VSTM2L: variants seen among roughly 807,000 people sequenced by gnomAD.
The protein encoded by VSTM2L is V-set and transmembrane domain-containing protein 2-like protein.
Under a neutral mutation model 19.9 loss-of-function variants are expected in VSTM2L, and 9 were observed. That is an observed-to-expected ratio of 0.45 (90% CI 0.27 to 0.79). The LOEUF is 0.79. VSTM2L is among the 30% of genes least tolerant of loss of function. The pLI, the probability that VSTM2L is intolerant of heterozygous loss-of-function variation, is 0.15. For missense variants in VSTM2L, 286 were observed against 295.5 expected (o/e 0.97, Z 0.24); for synonymous variants, 127 against 133.8 (o/e 0.95, Z 0.35).
At chr20:37,917,772 T>G (rs765531147) in intron 1 of VSTM2L, among the ~76,000 whole-genome samples, 13 of 152,214 alleles carry the variant, frequency 8.5e-5, no homozygotes, top group South Asian at 6.2e-4. Context: ...CTGCGGAGCC[T>G]GGGGTTGCGG....
chr20:37,943,450 G>C (rs2072985680), intron 3 of VSTM2L, among the ~76,000 whole-genome samples: 1 of 135,800 alleles, frequency 7.4e-6, no homozygotes, highest in Admixed American at 7.5e-5. Flanking sequence ...TTTTTTTTTA[G>C]GAAATGTAAA....
intron 1 of VSTM2L, among the ~76,000 whole-genome samples, chr20:37,925,727 C>G (rs2072875808): frequency 6.6e-6 from 1 of 152,218 alleles, no homozygotes. Flanking sequence ...CTGGCCAGCT[C>G]TGGGGATCAG....
intron 3 of VSTM2L, among the ~76,000 whole-genome samples, chr20:37,936,995 C>T (rs990279558): frequency 2.0e-5 from 3 of 151,658 alleles, no homozygotes; most frequent in Non-Finnish European, 2.9e-5. Context: ...CCAAGGTGGG[C>T]GGATCATCCG....
In VSTM2L at chr20:37,931,723, C is replaced by T. The variant is rs767692338; in HGVS notation, c.210C>T (p.Pro70=). ...MACSFRGSGS[P]SYSLEIQWWY... ...GCTCCTTCCGCGGCAGCGGCTCCCC[C>T]TCCTACTCGCTGGAGATCCAGTGGT... is the stretch of plus-strand genomic sequence containing the variant. Residue 70 remains proline, a synonymous_variant, in exon 2 of 4, where the codon CCC becomes CCT. Transcript: ENST00000373461. 3.1e-6 allele frequency: 5 copies of T among 1,613,736 alleles called. No individual in the cohort carries two copies. In the East Asian group the frequency reaches 1.1e-4, roughly 36 times the overall value.
intron 1 of VSTM2L, among the ~76,000 whole-genome samples, chr20:37,909,707 GGCCTTGGGGT>G (rs1410164741): frequency 6.6e-6 from 1 of 152,208 alleles, no homozygotes; most frequent in Non-Finnish European, 1.5e-5. Context: ...CCCAGGCTCT[GGCCTTGGGGT>G]GCATATGTGA....
At chr20:37,921,659 T>A (rs2072851611) in intron 1 of VSTM2L, among the ~76,000 whole-genome samples, 2 of 151,166 alleles carry the variant, frequency 1.3e-5, no homozygotes, top group South Asian at 4.2e-4. Context: ...TGATGAGTGG[T>A]AAGGAGAAAT....
At chr20:37,920,337 C>T (rs1413194827) in intron 1 of VSTM2L, among the ~76,000 whole-genome samples, 1 of 152,242 alleles carries the variant, frequency 6.6e-6, no homozygotes, top group Non-Finnish European at 1.5e-5. Flanking sequence ...GGCACATCAC[C>T]TTCCTGTTGC....
chr20:37,911,235 CAAAAAAAAA>C (rs11352183), intron 1 of VSTM2L, among the ~76,000 whole-genome samples: 1 of 45,774 alleles, frequency 2.2e-5, no homozygotes, highest in African/African-American at 1.1e-4. Context: ...GACTCCATCT[CAAAAAAAAA>C]AAAAAAAAAA....
In VSTM2L at chr20:37,945,274, C is replaced by T; in HGVS notation, c.*1021C>T. On this transcript the variant is annotated 3_prime_UTR_variant, in exon 4 of 4. Coordinates refer to ENST00000373461, the MANE Select transcript of VSTM2L (RefSeq NM_080607.3). ...GAGGTGGGAGAGGCCGAGGGCTTTG[C>T]CTAGGGGTGGGTTGCCCTGTATACA... 2.0e-6 allele frequency: 2 copies of T among 985,444 alleles called. No homozygotes were observed. Among genetic ancestry groups the T allele is most frequent in the Non-Finnish European group, 2.4e-6 (2 of 829,954 alleles). The allele number at this position is 985,444 out of a possible 1,614,324, so 61.0% of individuals were successfully genotyped here. A position where few individuals can be genotyped will look rare whatever the true frequency, so the allele number is the denominator to read the frequency against.
chr20:37,938,888 T>A (rs767877550), intron 3 of VSTM2L, among the ~76,000 whole-genome samples: 7 of 152,124 alleles, frequency 4.6e-5, no homozygotes, highest in Non-Finnish European at 8.8e-5. Flanking sequence ...GGGAGAGGCC[T>A]CTGATGAGGT....
intron 1 of VSTM2L, among the ~76,000 whole-genome samples, chr20:37,912,876 G>C (rs886458465): frequency 6.6e-6 from 1 of 151,876 alleles, no homozygotes; most frequent in African/African-American, 2.4e-5. Flanking sequence ...CTCTCTCTGG[G>C]TCTCTCTGAT....
intron 1 of VSTM2L, among the ~76,000 whole-genome samples, chr20:37,918,626 C>T (rs369026135): frequency 1.4e-4 from 21 of 152,180 alleles, no homozygotes; most frequent in Admixed American, 4.6e-4. Flanking sequence ...GGGAAAGATG[C>T]TTTGAAAATA....
chr20:37,920,579 G>A (rs2072844584), intron 1 of VSTM2L, among the ~76,000 whole-genome samples: 1 of 152,266 alleles, frequency 6.6e-6, no homozygotes, highest in Admixed American at 6.5e-5. Flanking sequence ...AGCTGGGCCA[G>A]GTGGGCCAGG....
At chr20:37,928,378 A>G (rs1428851462) in intron 1 of VSTM2L, among the ~76,000 whole-genome samples, 1 of 152,176 alleles carries the variant, frequency 6.6e-6, no homozygotes, top group East Asian at 1.9e-4. Flanking sequence ...AGACCTGCCC[A>G]GGACTCTCAG....
chr20:37,942,949 A>ATTATT (rs1809908889), intron 3 of VSTM2L, among the ~76,000 whole-genome samples: 2 of 152,068 alleles, frequency 1.3e-5, no homozygotes, highest in African/African-American at 4.8e-5. Flanking sequence ...TTTGTTTTTT[A>ATTATT]TTATGTTATT....
chr20:37,903,154 C>T lies in VSTM2L; in HGVS notation c.-197C>T. 3.0e-6 allele frequency: 2 copies of T among 661,888 alleles called. No homozygotes were observed. The allele number at this position is 661,888 out of a possible 1,614,324, so 41.0% of individuals were successfully genotyped here. A position where few individuals can be genotyped will look rare whatever the true frequency, so the allele number is the denominator to read the frequency against. On this transcript the variant is annotated 5_prime_UTR_variant, in exon 1 of 4. Transcript: ENST00000373461. ...AGTCGGAGGCGGCCGGCTGGGCGTGCGCTCGCTCCCCGAAGCCGGGGCTGG... is the reference window on the plus strand; with the variant it reads ...AGTCGGAGGCGGCCGGCTGGGCGTGTGCTCGCTCCCCGAAGCCGGGGCTGG...
intron 1 of VSTM2L, among the ~76,000 whole-genome samples, chr20:37,930,219 G>A (rs2072900754): frequency 6.6e-6 from 1 of 152,242 alleles, no homozygotes; most frequent in African/African-American, 2.4e-5. Flanking sequence ...AACGGCAGAA[G>A]TTTCCAGATG....
At chr20:37,939,230 C>A (rs2072957761) in intron 3 of VSTM2L, among the ~76,000 whole-genome samples, 1 of 151,828 alleles carries the variant, frequency 6.6e-6, no homozygotes, top group African/African-American at 2.4e-5. Flanking sequence ...CATAGTAAGA[C>A]CCCATCTCCA....
chr20:37,910,481 A>G (rs2072773681), intron 1 of VSTM2L, among the ~76,000 whole-genome samples: 1 of 152,214 alleles, frequency 6.6e-6, no homozygotes, highest in Non-Finnish European at 1.5e-5. Flanking sequence ...TTCATTCAAC[A>G]AATATCAATT....
Sources: allele counts gnomAD v4.1 joint callset (sites outside exome capture counted in the v4.1 genomes callset), GRCh38; gene constraint gnomAD v4.1.1; transcripts MANE v1.5; gene names NCBI Gene and HGNC (gene_info 2026-07-23, HGNC 2026-07-21).